The following DAB1 variants were observed in gnomAD, a reference collection of about 807,000 sequenced individuals.
DAB1 encodes DAB adaptor protein 1, also known as disabled homolog 1.
In DAB1, 15 loss-of-function variants were observed where a neutral mutation model predicts 64.6. The ratio of observed to expected loss-of-function variants is 0.23; its 90% CI spans 0.16 to 0.36. The LOEUF is 0.36. Ranked by LOEUF, DAB1 falls within the 10% of genes least tolerant of loss-of-function variation. The probability of loss-of-function intolerance (pLI) is 1.00; values close to 1 mark genes in which losing one functional copy is unlikely to be tolerated. For missense variants in DAB1, 596 were observed against 706.7 expected, an observed-to-expected ratio of 0.84 and a Z score of 1.78; for synonymous variants, 235 against 251.9, an observed-to-expected ratio of 0.93 and a Z score of 0.64.
intron 4 of DAB1, among the ~76,000 whole-genome samples, chr1:58,206,858 C>T (rs1450061328): frequency 2.0e-5 from 3 of 152,228 alleles, no homozygotes; most frequent in Non-Finnish European, 4.4e-5. Flanking sequence ...ACAGTGACAT[C>T]TATTTCTCTT....
At chr1:58,391,496 TA>T (rs1370798578) in intron 3 of DAB1, among the ~76,000 whole-genome samples, 2 of 152,208 alleles carry the variant, frequency 1.3e-5, no homozygotes, top group Admixed American at 6.5e-5. Flanking sequence ...TAAGAAGGGG[TA>T]AAGCCAGGAC....
rs199928526 is a variant in DAB1 at position 57,118,240 on chromosome 1, ACT to A, written c.306+18301_306+18302del. On this transcript the variant is annotated intron_variant, in intron 4 of 14. Coordinates refer to ENST00000371236, the MANE Select transcript of DAB1 (RefSeq NM_001365792.1). ...ACAATGATTATCATCATTCGAACAGACTCTCTAATGACAGTGTAGAGCTGCTG... is the reference window on the plus strand; with the variant it reads ...ACAATGATTATCATCATTCGAACAGACTCTAATGACAGTGTAGAGCTGCTG... Among the ~76,000 whole-genome samples the A allele has an allele frequency of 3.3e-5, 5 of 152,128 alleles. No individual in the cohort carries two copies. In the East Asian group the frequency reaches 7.7e-4, roughly 24 times the overall value.
intron 5 of DAB1, among the ~76,000 whole-genome samples, chr1:58,054,735 T>C (rs1174265424): frequency 8.5e-5 from 13 of 152,240 alleles, no homozygotes; most frequent in Admixed American, 8.5e-4. Flanking sequence ...GCATATAGGA[T>C]AAATAACAGG....
intron 3 of DAB1, among the ~76,000 whole-genome samples, chr1:58,351,153 C>G (rs1644051619): frequency 6.6e-6 from 1 of 152,126 alleles, no homozygotes; most frequent in Non-Finnish European, 1.5e-5. Flanking sequence ...GTTTGTAGTT[C>G]TCCTTGAAGA....
chr1:57,687,599 C>CAAAAAAAAAAA (rs57316234), intron 6 of DAB1, among the ~76,000 whole-genome samples: 82 of 82,426 alleles, frequency 9.9e-4, no homozygotes, highest in African/African-American at 2.6e-3. Context: ...TCTTAAGAAA[C>CAAAAAAAAAAA]AAAAAAAAAA....
chr1:57,404,594 CT>C (rs1219571150), intron 1 of DAB1, among the ~76,000 whole-genome samples: 1 of 151,932 alleles, frequency 6.6e-6, no homozygotes, highest in Non-Finnish European at 1.5e-5. Flanking sequence ...CTCTTTTATG[CT>C]TTTTTTGTGT....
At chr1:58,373,532 A>G (rs1246401415) in intron 3 of DAB1, among the ~76,000 whole-genome samples, 1 of 151,390 alleles carries the variant, frequency 6.6e-6, no homozygotes, top group Non-Finnish European at 1.5e-5. Flanking sequence ...ATAGTATTCC[A>G]TGGTGTATAT....
intron 5 of DAB1, among the ~76,000 whole-genome samples, chr1:57,920,809 C>A (rs1644797478): frequency 6.6e-6 from 1 of 152,188 alleles, no homozygotes; most frequent in South Asian, 2.1e-4. Context: ...TAAAGGCTTT[C>A]TCCCTGACAG....
intron 6 of DAB1, among the ~76,000 whole-genome samples, chr1:57,801,113 T>C (rs1406806712): frequency 2.0e-5 from 3 of 152,244 alleles, no homozygotes; most frequent in Non-Finnish European, 4.4e-5. Context: ...CTTCACCCTC[T>C]ACTCATTCTT....
At chr1:58,249,401 G>C (rs549437057) in intron 4 of DAB1, among the ~76,000 whole-genome samples, 1 of 151,406 alleles carries the variant, frequency 6.6e-6, no homozygotes, top group East Asian at 2.0e-4. Context: ...TTTCCTACAA[G>C]GTTATGCCTA....
At chr1:56,998,589 G>T (rs1318620410) in intron 14 of DAB1, among the ~76,000 whole-genome samples, 1 of 152,184 alleles carries the variant, frequency 6.6e-6, no homozygotes, top group Non-Finnish European at 1.5e-5. Context: ...GAGACAAGTG[G>T]ACATTTTTCC....
intron 2 of DAB1, among the ~76,000 whole-genome samples, chr1:57,271,178 T>G (rs905183551): frequency 6.6e-6 from 1 of 152,076 alleles, no homozygotes; most frequent in South Asian, 2.1e-4. Context: ...TCCCCCAAGT[T>G]TTCATCTTTC....
intron 2 of DAB1, among the ~76,000 whole-genome samples, chr1:57,149,734 A>G (rs1437334224): frequency 6.6e-6 from 1 of 152,142 alleles, no homozygotes; most frequent in East Asian, 1.9e-4. Context: ...CATAGGAATC[A>G]CTATGGGGCT....
intron 6 of DAB1, among the ~76,000 whole-genome samples, chr1:57,807,300 T>C (rs1651408659): frequency 6.6e-6 from 1 of 152,092 alleles, no homozygotes; most frequent in South Asian, 2.1e-4. Context: ...TTTGATCAAT[T>C]GAATAGGGCA....
intron 1 of DAB1, among the ~76,000 whole-genome samples, chr1:57,313,874 A>G (rs778995819): frequency 7.9e-5 from 12 of 152,154 alleles, no homozygotes; most frequent in Non-Finnish European, 1.2e-4. Context: ...GACCTCAGAG[A>G]AGTCCCTCAC....
intron 2 of DAB1, among the ~76,000 whole-genome samples, chr1:57,195,614 G>A (rs1047020422): frequency 2.0e-5 from 3 of 152,302 alleles, no homozygotes; most frequent in South Asian, 2.1e-4. Flanking sequence ...GCTCCTAACC[G>A]GATCCTAAAT....
intron 2 of DAB1, among the ~76,000 whole-genome samples, chr1:57,162,955 A>G (rs1398843152): frequency 6.6e-6 from 1 of 152,242 alleles, no homozygotes; most frequent in Non-Finnish European, 1.5e-5. Context: ...ACAGTGACTA[A>G]GTGTCCCCAC....
chr1:58,316,902 T>C (rs1662569403), intron 4 of DAB1, among the ~76,000 whole-genome samples: 1 of 152,224 alleles, frequency 6.6e-6, no homozygotes, highest in African/African-American at 2.4e-5. Flanking sequence ...CTGAGTTGTA[T>C]GACAATAGCT....
intron 4 of DAB1, among the ~76,000 whole-genome samples, chr1:58,255,974 T>C (rs13375632): frequency 0.52 from 79,660 of 152,046 alleles, 22,133 homozygotes; most frequent in African/African-American, 0.69. Flanking sequence ...AGTCAGGATT[T>C]GATTCTGACA....
Sources: gnomAD v4.1 joint callset for allele counts (sites outside exome capture counted in the v4.1 genomes callset) on GRCh38, gnomAD v4.1.1 for gene constraint, MANE v1.5 for transcripts, NCBI Gene and HGNC (gene_info 2026-07-23, HGNC 2026-07-21) for gene names.